The following BBS9 variants were observed in gnomAD, a reference collection of about 807,000 sequenced individuals.
The protein encoded by BBS9 is Bardet-Biedl syndrome 9, also known as protein PTHB1.
A neutral mutation model predicts 117.7 loss-of-function variants in BBS9; 89 were observed. The ratio of observed to expected loss-of-function variants is 0.76; its 90% CI spans 0.64 to 0.90. The LOEUF is 0.90. Ranked by LOEUF, BBS9 falls within the 40% of genes least tolerant of loss-of-function variation. The pLI, the probability that BBS9 is intolerant of heterozygous loss-of-function variation, is 0.00. For missense variants in BBS9, 982 were observed against 1,042.2 expected, an observed-to-expected ratio of 0.94 and a Z score of 0.80; for synonymous variants, 379 against 370.9, an observed-to-expected ratio of 1.02 and a Z score of -0.25.
rs145977370 is a variant in BBS9, at chr7:33,450,752, C to G, written c.2116-54711C>G. On this transcript the variant is annotated intron_variant, in intron 19 of 22. Coordinates refer to ENST00000242067, the MANE Select transcript of BBS9 (RefSeq NM_198428.3). Reference sequence around the variant, plus strand: ...TTGTTGTTATTGGGTTGTAGGAATTCTTTATATATTCTGGATATTAATTCT... The same window carrying G: ...TTGTTGTTATTGGGTTGTAGGAATTGTTTATATATTCTGGATATTAATTCT... Among the ~76,000 whole-genome samples, 10 of 150,964 alleles carry G rather than the reference C, an allele frequency of 6.6e-5. No homozygotes were observed. In the East Asian group the frequency reaches 1.9e-3, roughly 29 times the overall value.
intron 19 of BBS9, among the ~76,000 whole-genome samples, chr7:33,467,324 T>C (rs1840326076): frequency 6.6e-6 from 1 of 152,142 alleles, no homozygotes; most frequent in African/African-American, 2.4e-5. Context: ...CCTTGTTTGT[T>C]TATATCACCT....
At chr7:33,193,061 T>G (rs1414400191) in intron 5 of BBS9, among the ~76,000 whole-genome samples, 1 of 152,176 alleles carries the variant, frequency 6.6e-6, no homozygotes, top group East Asian at 1.9e-4. Context: ...CTATCCATAT[T>G]ATGTGGATTT....
chr7:33,592,652 A>G (rs751622930), intron 21 of BBS9, among the ~76,000 whole-genome samples: 32 of 152,098 alleles, frequency 2.1e-4, no homozygotes, highest in Non-Finnish European at 2.8e-4. Context: ...ACCTGTTTCC[A>G]AGCCAGTGAC....
intron 9 of BBS9, among the ~76,000 whole-genome samples, chr7:33,278,043 C>T (rs1309930302): frequency 1.3e-5 from 2 of 152,100 alleles, no homozygotes; most frequent in African/African-American, 2.4e-5. Context: ...AAATGTCTCC[C>T]AAAGCTAGCC....
intron 9 of BBS9, among the ~76,000 whole-genome samples, chr7:33,302,771 G>C (rs1054091622): frequency 5.3e-5 from 8 of 152,072 alleles, no homozygotes; most frequent in Admixed American, 5.2e-4. Context: ...GGTCTTTCGT[G>C]GTTCCATATA....
chr7:33,587,716 G>A (rs1483826012), intron 21 of BBS9, among the ~76,000 whole-genome samples: 1 of 151,984 alleles, frequency 6.6e-6, no homozygotes, highest in Non-Finnish European at 1.5e-5. Context: ...AGAGATGGAG[G>A]TAAATGTGAA....
intron 19 of BBS9, among the ~76,000 whole-genome samples, chr7:33,440,417 G>A (rs958026802): frequency 5.9e-5 from 9 of 152,102 alleles, no homozygotes. Flanking sequence ...TAAAGAAAGG[G>A]TAGTTTTAAA....
chr7:33,435,935 C>T (rs1835244261), intron 19 of BBS9, among the ~76,000 whole-genome samples: 1 of 152,116 alleles, frequency 6.6e-6, no homozygotes, highest in Non-Finnish European at 1.5e-5. Flanking sequence ...CAGTGGATTC[C>T]TTGGGCTAGA....
chr7:33,202,108 G>T (rs1785982188), intron 5 of BBS9, among the ~76,000 whole-genome samples: 1 of 152,168 alleles, frequency 6.6e-6, no homozygotes, highest in Non-Finnish European at 1.5e-5. Context: ...TGAGAACTTG[G>T]CATAATAATT....
chr7:33,563,850 G>A (rs967872367), intron 21 of BBS9, among the ~76,000 whole-genome samples: 2 of 152,200 alleles, frequency 1.3e-5, no homozygotes, highest in Non-Finnish European at 2.9e-5. Flanking sequence ...GATGCGAAGT[G>A]CGAGCTTCTT....
intron 5 of BBS9, among the ~76,000 whole-genome samples, chr7:33,195,737 C>T (rs1583573491): frequency 6.6e-6 from 1 of 152,126 alleles, no homozygotes; most frequent in African/African-American, 2.4e-5. Flanking sequence ...ACACTTTTCT[C>T]TCTGTGTCCT....
At chr7:33,465,921 T>C (rs1441291046) in intron 19 of BBS9, among the ~76,000 whole-genome samples, 1 of 152,168 alleles carries the variant, frequency 6.6e-6, no homozygotes, top group Admixed American at 6.6e-5. Context: ...TTTGATGAAC[T>C]ATAAAAATGA....
rs924031007 is a variant in BBS9, at chr7:33,375,768, A to G, written c.1790-7898A>G. ...CACCACACCCAGCTAATTATTTTGT[A>G]TATTAGTAAAGATGGGATTTCACGC... On this transcript the variant is annotated intron_variant, in intron 17 of 22. Coordinates refer to ENST00000242067, the MANE Select transcript of BBS9 (RefSeq NM_198428.3). 9.1e-4 allele frequency among the ~76,000 whole-genome samples: 138 copies of G among 151,692 alleles called. 1 individual carries two copies. The highest frequency in any genetic ancestry group is 3.3e-3 in the African/African-American group (138 of 41,388).
At chr7:33,245,624 C>T (rs890316489) in intron 5 of BBS9, among the ~76,000 whole-genome samples, 1 of 152,092 alleles carries the variant, frequency 6.6e-6, no homozygotes, top group Non-Finnish European at 1.5e-5. Flanking sequence ...ATGGAATTGT[C>T]ATGTGAATAT....
downstream of BBS9, among the ~76,000 whole-genome samples, chr7:33,609,553 T>A (rs533555937): frequency 6.6e-6 from 1 of 152,308 alleles, no homozygotes; most frequent in Admixed American, 6.5e-5. Context: ...TTGTATACTC[T>A]GAATTATTAA....
intron 1 of BBS9, among the ~76,000 whole-genome samples, chr7:33,133,129 T>TA (rs552725281): frequency 1.3e-4 from 20 of 150,518 alleles, no homozygotes; most frequent in South Asian, 8.4e-4. Flanking sequence ...TGTTCTGCTT[T>TA]AAAAAAAAAT....
chr7:33,547,734 C>T (rs1376011324), intron 21 of BBS9, among the ~76,000 whole-genome samples: 1 of 152,134 alleles, frequency 6.6e-6, no homozygotes, highest in Non-Finnish European at 1.5e-5. Context: ...TTTTCTGGAG[C>T]CATAGCTTTT....
intron 19 of BBS9, among the ~76,000 whole-genome samples, chr7:33,442,039 C>T (rs1173570052): frequency 6.6e-6 from 1 of 151,952 alleles, no homozygotes; most frequent in Non-Finnish European, 1.5e-5. Flanking sequence ...CTACAGGCAC[C>T]CGCCACCATG....
rs66529823 is a variant in BBS9, at chr7:33,616,493, G to GTATATATATA, written c.2522-18669_2522-18660dup. ...TTATATAATATATGTGTGTGTGTGT[G>GTATATATATA]TATATATATATATATATATATATAG... On this transcript the variant is annotated intron_variant, in intron 21 of 21. Coordinates refer to the BBS9 transcript ENST00000671952. Among the ~76,000 whole-genome samples, 124 of 136,418 alleles carry GTATATATATA rather than the reference G, an allele frequency of 9.1e-4. 1 individual carries two copies. The highest frequency in any genetic ancestry group is 1.5e-3 in the Non-Finnish European group (92 of 63,168). The allele number at this position is 136,418 out of a possible 152,430, so 89.5% of individuals were successfully genotyped here. A position where few individuals can be genotyped will look rare whatever the true frequency, so the allele number is the denominator to read the frequency against.
Sources: gnomAD v4.1 joint callset for allele counts (sites outside exome capture counted in the v4.1 genomes callset) on GRCh38, gnomAD v4.1.1 for gene constraint, MANE v1.5 for transcripts, NCBI Gene and HGNC (gene_info 2026-07-23, HGNC 2026-07-21) for gene names.